ECI1: variants seen among roughly 807,000 people sequenced by gnomAD.
ECI1 encodes the protein enoyl-CoA delta isomerase 1, mitochondrial.
In ECI1, 34 loss-of-function variants were observed where a neutral mutation model predicts 34.2. The ratio of observed to expected loss-of-function variants is 1.00; its 90% CI spans 0.76 to 1.33. The LOEUF (loss-of-function observed/expected upper bound fraction) is 1.33, where lower values mean the gene tolerates loss of function less well. ECI1 is among the 40% of genes most tolerant of loss of function. The pLI, the probability that ECI1 is intolerant of heterozygous loss-of-function variation, is 0.00. For missense variants in ECI1, 456 were observed against 422.2 expected, an observed-to-expected ratio of 1.08 and a Z score of -0.70; for synonymous variants, 211 against 193.0, an observed-to-expected ratio of 1.09 and a Z score of -0.77.
intron 3 of ECI1, among the ~76,000 whole-genome samples, chr16:2,245,943 C>A (rs932480199): frequency 5.9e-5 from 9 of 152,082 alleles, no homozygotes; most frequent in Admixed American, 5.2e-4. Context: ...CCAGCCTGGG[C>A]AAGAGAGGGA....
chr16:2,248,337 G>C (rs1243777580), intron 2 of ECI1, among the ~76,000 whole-genome samples: 1 of 151,980 alleles, frequency 6.6e-6, no homozygotes, highest in East Asian at 1.9e-4. Flanking sequence ...TTGACTTCGT[G>C]AACACCTCGC....
At chr16:2,242,965 G>T (rs1243968136) in intron 6 of ECI1, 81 bp downstream of exon 6, 1 of 1,108,744 alleles carries the variant, frequency 9.0e-7, no homozygotes, top group African/African-American at 1.5e-5. Flanking sequence ...CCGAAGTCAC[G>T]ATGTCCACAG....
At chr16:2,248,410 T>C (rs1036919178) in intron 2 of ECI1, among the ~76,000 whole-genome samples, 8 of 151,318 alleles carry the variant, frequency 5.3e-5, no homozygotes, top group African/African-American at 1.9e-4. Context: ...AATTAACCAT[T>C]TTCTATCTTT....
In ECI1 at chr16:2,239,435, T is replaced by C. The variant is rs1182485149; in HGVS notation, c.*544A>G. ...AGTTTGGTTCTTGCAAAATCCTTCT[T>C]AAGGGACATTTGGATCCCTGGCAGC... On this transcript the variant is annotated 3_prime_UTR_variant, in exon 7 of 7. Coordinates refer to ENST00000301729, the MANE Select transcript of ECI1 (RefSeq NM_001919.4). The C allele has an allele frequency of 5.9e-6, 1 of 168,478 alleles. No individual in the cohort carries two copies. Among genetic ancestry groups the C allele is most frequent in the African/African-American group, 2.4e-5 (1 of 41,720 alleles). The allele number at this position is 168,478 out of a possible 1,614,324, so 10.4% of individuals were successfully genotyped here. A position where few individuals can be genotyped will look rare whatever the true frequency, so the allele number is the denominator to read the frequency against.
rs464176 is a variant in ECI1 at position 2,251,406 on chromosome 16, G to C, written c.76C>G (p.Leu26Val). 1 of 1,348,724 alleles carries C rather than the reference G, an allele frequency of 7.4e-7. No homozygotes were observed. The highest frequency in any genetic ancestry group is 1.8e-5 in the South Asian group (1 of 54,878). The allele number at this position is 1,348,724 out of a possible 1,614,324, so 83.5% of individuals were successfully genotyped here. Residue 26 changes from leucine (L) to valine (V), a missense_variant, in exon 2 of 7, where the codon CTC (leucine) becomes GTC (valine). Physicochemically the swap from Leu to Val is conservative, Grantham distance 32. Transcript: ENST00000301729. ...CCGGCCGCCCGCTCCGTCCGCCCGA[G>C]GGCCGCGCCCGGGAGCCGGGCCCCT... ...RAGARLPGAA[L>V]GRTERAAGGG...
intron 6 of ECI1, 38 bp from the exon 7 acceptor site, chr16:2,240,183 CA>C: frequency 1.2e-6 from 2 of 1,607,290 alleles, no homozygotes; most frequent in Non-Finnish European, 8.5e-7. Context: ...ATCCCACTTT[CA>C]GGGGCAGTGG....
At chr16:2,249,428 T>C (rs1396575282) in intron 2 of ECI1, among the ~76,000 whole-genome samples, 1 of 152,146 alleles carries the variant, frequency 6.6e-6, no homozygotes, top group Non-Finnish European at 1.5e-5. Flanking sequence ...CACGGGGTTG[T>C]ACATTGCAAA....
At position 2,239,836 on chromosome 16, in the gene ECI1, T is replaced by C. The variant is rs981566888; in HGVS notation, c.*143A>G. The C allele has an allele frequency of 1.5e-5, 14 of 910,992 alleles. No homozygotes were observed. The South Asian group carries it at 1.7e-4, about 11-fold the overall frequency. 56.4% of individuals were successfully genotyped at this position (910,992 alleles called of 1,614,324 possible). A position where few individuals can be genotyped will look rare whatever the true frequency, so the allele number is the denominator to read the frequency against. Reference sequence around the variant, plus strand: ...TGTGTGTGGCTGGGCCTTGGGCCACTGGGCTATGAGGAACAGGAACTTCTA... The same window carrying C: ...TGTGTGTGGCTGGGCCTTGGGCCACCGGGCTATGAGGAACAGGAACTTCTA... On this transcript the variant is annotated 3_prime_UTR_variant, in exon 7 of 7. Coordinates refer to ENST00000301729, the MANE Select transcript of ECI1 (RefSeq NM_001919.4).
chr16:2,245,806 A>C (rs2093538984), intron 3 of ECI1, among the ~76,000 whole-genome samples: 2 of 152,292 alleles, frequency 1.3e-5, no homozygotes, highest in Middle Eastern at 6.8e-3. Context: ...TGAGCCCAGG[A>C]GTTCAAGACC....
Position 2,239,711 on chromosome 16 carries a change from C to T in ECI1, c.*268G>A, listed in dbSNP as rs2141492238. 2 of 502,918 alleles carry T rather than the reference C, an allele frequency of 4.0e-6. No individual in the cohort carries two copies. Among genetic ancestry groups the T allele is most frequent in the Non-Finnish European group, 3.6e-6 (1 of 275,920 alleles). 31.2% of individuals were successfully genotyped at this position (502,918 alleles called of 1,614,324 possible). ...GAACAGAGACACTCCGTGGCAACCT[C>T]ACCAGGTCCAGAATGGCATCCCCTG... is the stretch of plus-strand genomic sequence containing the variant. On this transcript the variant is annotated 3_prime_UTR_variant, in exon 7 of 7. Transcript: ENST00000301729.
intron 4 of ECI1, 118 bp from the exon 5 acceptor site, chr16:2,243,557 C>T: frequency 8.1e-7 from 1 of 1,236,850 alleles, no homozygotes; most frequent in Non-Finnish European, 1.2e-6. Flanking sequence ...CCGCAGGGTT[C>T]AACACCCACA....
At chr16:2,243,474 T>A (rs748706063) in intron 4 of ECI1, 35 bp from the exon 5 acceptor site, 1 of 1,606,784 alleles carries the variant, frequency 6.2e-7, no homozygotes, top group South Asian at 1.1e-5. Context: ...TCTTAGGTGC[T>A]GCTGGTCCCA....
chr16:2,243,170 C>T lies in ECI1; in HGVS notation c.618G>A (p.Leu206=). 2 of 1,608,310 alleles carry T rather than the reference C, an allele frequency of 1.2e-6. No individual in the cohort carries two copies. The highest frequency in any genetic ancestry group is 1.7e-6 in the Non-Finnish European group (2 of 1,179,826). The stretch of plus-strand genomic sequence containing the variant: ...CCGGCGGGAAGAGCAGCCCCAGCTG[C>T]AGGGCACGCTCCGCCGCCCGGTGCC... The part of the protein sequence containing the change: ...TIGHRAAERA[L]QLGLLFPPAE... The change falls in exon 6 of 7, where the codon CTG becomes CTA. Residue 206 remains leucine (L), a synonymous_variant. Coordinates refer to ENST00000301729, the MANE Select transcript of ECI1 (RefSeq NM_001919.4).
intron 2 of ECI1, among the ~76,000 whole-genome samples, chr16:2,250,483 G>A (rs908278655): frequency 6.6e-6 from 1 of 152,064 alleles, no homozygotes; most frequent in Non-Finnish European, 1.5e-5. Flanking sequence ...ACTTGCGGAG[G>A]GGGAGGGCCT....
At chr16:2,247,089 GTTTT>G (rs2093542228) in intron 2 of ECI1, 103 bp from the exon 3 acceptor site, 2 of 1,378,726 alleles carry the variant, frequency 1.5e-6, no homozygotes, top group South Asian at 1.2e-5. Context: ...CATTTTGGGG[GTTTT>G]ATTTATTAAT....
chr16:2,245,778 C>G (rs1002930056), intron 3 of ECI1, among the ~76,000 whole-genome samples: 1 of 152,054 alleles, frequency 6.6e-6, no homozygotes, highest in Non-Finnish European at 1.5e-5. Flanking sequence ...ACTGGGGAGC[C>G]GAGGTGGGAG....
In ECI1 at chr16:2,246,883, G is replaced by A. The variant is rs372701605; in HGVS notation, c.270C>T (p.Ser90=). The A allele has an allele frequency of 8.2e-5, 132 of 1,613,346 alleles. No individual in the cohort carries two copies. The highest frequency in any genetic ancestry group is 1.1e-4 in the Non-Finnish European group (128 of 1,180,038). The change falls in exon 3 of 7, where the codon AGC becomes AGT. Residue 90 remains serine (S), a synonymous_variant. Coordinates refer to ENST00000301729, the MANE Select transcript of ECI1 (RefSeq NM_001919.4). The part of the protein sequence containing the change: ...ISLEKLENDK[S]FRGVILTSDR... ...CCGAGGTCAGAATGACACCGCGGAA[G>A]CTCTTGTCATTCTCCAGCTTCTCCA...
At chr16:2,242,829 C>T (rs2093530801) in intron 6 of ECI1, 1 of 602,512 alleles carries the variant, frequency 1.7e-6, no homozygotes, top group Non-Finnish European at 3.0e-6. Context: ...CCTGCCCACA[C>T]TTTGATTTTG....
rs869259386 is a variant in ECI1, at chr16:2,249,876, CAAAAAA to C, written c.166+1434_166+1439del. ...CTGGCGACAGAGCAAGACTCCGTCTCAAAAAAAAAAAAAAAAAAAAAAAAAAAAAGA... is the reference window on the plus strand; with the variant it reads ...CTGGCGACAGAGCAAGACTCCGTCTCAAAAAAAAAAAAAAAAAAAAAAAGA... On this transcript the variant is annotated intron_variant, in intron 2 of 6. Transcript: ENST00000301729. Among the ~76,000 whole-genome samples, 12 of 20,346 alleles carry C rather than the reference CAAAAAA, an allele frequency of 5.9e-4. 1 individual carries two copies. The highest frequency in any genetic ancestry group is 3.8e-3 in the South Asian group (1 of 266). 13.3% of individuals were successfully genotyped at this position (20,346 alleles called of 152,430 possible). A position where few individuals can be genotyped will look rare whatever the true frequency, so the allele number is the denominator to read the frequency against.
Sources: gnomAD v4.1 joint callset for allele counts (sites outside exome capture counted in the v4.1 genomes callset) on GRCh38, gnomAD v4.1.1 for gene constraint, MANE v1.5 for transcripts, NCBI Gene and HGNC (gene_info 2026-07-23, HGNC 2026-07-21) for gene names.